The following TMEM259 variants were observed in gnomAD, a reference collection of about 807,000 sequenced individuals.
The protein encoded by TMEM259 is transmembrane protein 259.
TMEM259 carries 26 observed loss-of-function variants against 46.7 expected under a neutral mutation model. The observed-to-expected ratio is 0.56, with a 90% CI of 0.41 to 0.77. TMEM259 has a LOEUF of 0.77. TMEM259 is among the 30% of genes least tolerant of loss of function. The pLI, the probability that TMEM259 is intolerant of heterozygous loss-of-function variation, is 0.00. For synonymous variants in TMEM259, 494 were observed against 395.1 expected (o/e 1.25, Z -2.97); for missense variants, 930 against 900.5 (o/e 1.03, Z -0.42).
rs1314957511 is a variant in TMEM259 at position 1,013,325 on chromosome 19, C to T, written c.523G>A (p.Glu175Lys). ...CTCGGCGGCTTGAACACCTTGGGCTCGATGTCCAGCTCAAACTGTGGGCGA... is the reference window on the plus strand; with the variant it reads ...CTCGGCGGCTTGAACACCTTGGGCTTGATGTCCAGCTCAAACTGTGGGCGA... ...NSSIKFELDI[E>K]PKVFKPPSST... is the part of the protein sequence containing the mutation. The change falls in exon 3 of 11, where the codon GAG becomes AAG. Residue 175 changes from glutamate to lysine, a missense_variant. Transcript: ENST00000356663. The T allele has an allele frequency of 1.2e-6, 2 of 1,613,582 alleles. No individual in the cohort carries two copies. The highest frequency in any genetic ancestry group is 1.1e-5 in the South Asian group (1 of 91,074).
At position 1,021,095 on chromosome 19, in the gene TMEM259, C is replaced by A; in HGVS notation, c.-99G>T. ...AGCCGCCGCTCTCCTCACGGCCTCC[C>A]GGCCGCCGCCGCCATCTTCCGCTTT... On this transcript the variant is annotated 5_prime_UTR_variant, in exon 1 of 11. Transcript: ENST00000356663. 1.7e-6 allele frequency: 2 copies of A among 1,178,108 alleles called. No individual in the cohort carries two copies. Among genetic ancestry groups the A allele is most frequent in the African/African-American group, 1.6e-5 (1 of 61,414 alleles). The allele number at this position is 1,178,108 out of a possible 1,614,324, so 73.0% of individuals were successfully genotyped here.
In TMEM259 at chr19:1,012,008, C is replaced by A; in HGVS notation, c.842-16G>T. Reference sequence around the variant, plus strand: ...CGCAGGAAGCCTGCAGCAGAAGGAGCCGTGAGCGCCCGCCCCCACCCGCGC... The same window carrying A: ...CGCAGGAAGCCTGCAGCAGAAGGAGACGTGAGCGCCCGCCCCCACCCGCGC... On this transcript the variant is annotated splice_polypyrimidine_tract_variant and intron_variant, in intron 5 of 10. Transcript: ENST00000356663. 2 of 1,611,514 alleles carry A rather than the reference C, an allele frequency of 1.2e-6. No homozygotes were observed.
At position 1,014,379 on chromosome 19, in the gene TMEM259, C is replaced by A; in HGVS notation, c.320G>T (p.Arg107Leu). ...CLEHVRDKWP[R>L]EGILRVEVRH... ...CACTTCCACACGCAGGATGCCCTCA[C>A]GCGGCCACTTGTCACGCACATGCTC... The change falls in exon 2 of 11, where the codon CGT (arginine) becomes CTT (leucine). Residue 107 changes from arginine (R) to leucine (L), a missense_variant. By Grantham distance (102) the Arg-to-Leu change is moderately radical (BLOSUM62 -2). Coordinates refer to ENST00000356663, the MANE Select transcript of TMEM259 (RefSeq NM_001033026.2). 2 of 1,612,940 alleles carry A rather than the reference C, an allele frequency of 1.2e-6. No individual in the cohort carries two copies. Among genetic ancestry groups the A allele is most frequent in the Non-Finnish European group, 1.7e-6 (2 of 1,179,906 alleles).
At position 1,014,522 on chromosome 19, in the gene TMEM259, C is replaced by T. The variant is rs80147630; in HGVS notation, c.226-49G>A. On this transcript the variant is annotated intron_variant, in intron 1 of 10. Transcript: ENST00000356663. ...GGGGCGCCCCAGGGCCAGCTGCAGC[C>T]GACACCCAAGGGCCTACGTGATGGG... 1.3e-3 allele frequency: 1,987 copies of T among 1,577,810 alleles called. 24 individuals carry two copies. In the East Asian group the frequency reaches 0.037, roughly 29 times the overall value.
At position 1,010,562 on chromosome 19, in the gene TMEM259, C is replaced by A; in HGVS notation, c.1651G>T (p.Ala551Ser). 1.3e-6 allele frequency: 2 copies of A among 1,549,370 alleles called. No individual in the cohort carries two copies. The highest frequency in any genetic ancestry group is 1.7e-6 in the Non-Finnish European group (2 of 1,147,684). Residue 551 changes from alanine (A) to serine (S), a missense_variant, in exon 11 of 11, where the codon GCC becomes TCC. Physicochemically the swap from Ala to Ser is moderately conservative, Grantham distance 99. Coordinates refer to ENST00000356663, the MANE Select transcript of TMEM259 (RefSeq NM_001033026.2). ...MAETAAIITD[A>S]SFLSGLSASL... ...GCGCTCAGGCCGGACAGGAAGGAGGCGTCTGTGATGATGGCAGCGGTCTCT... is the reference window on the plus strand; with the variant it reads ...GCGCTCAGGCCGGACAGGAAGGAGGAGTCTGTGATGATGGCAGCGGTCTCT...
rs1399602694 is a variant in TMEM259 at position 1,012,076 on chromosome 19, C to T, written c.831G>A (p.Glu277=). ...CGGGGCATGCCTCACCCTTGTTCTC[C>T]TCGTTCTCGGCCAGGCCCTTCACGC... ...MSSVKGLAEN[E]ENKGFLRNVV... The change falls in exon 5 of 11, where the codon GAG becomes GAA. Residue 277 remains glutamate, a synonymous_variant. Transcript: ENST00000356663. 1 of 1,612,300 alleles carries T rather than the reference C, an allele frequency of 6.2e-7. No homozygotes were observed. The highest frequency in any genetic ancestry group is 2.2e-5 in the East Asian group (1 of 44,860).
At position 1,013,475 on chromosome 19, in the gene TMEM259, GACT is replaced by G. The variant is rs1268922119; in HGVS notation, c.508-138_508-136del. On this transcript the variant is annotated intron_variant, in intron 2 of 10. Coordinates refer to ENST00000356663, the MANE Select transcript of TMEM259 (RefSeq NM_001033026.2). ...CCCCACCACTGACCAGGCCAGGGTG[GACT>G]ACGTGTGCCTCCCGCCTCAGCTGGG... 8.8e-6 allele frequency: 7 copies of G among 798,372 alleles called. No individual in the cohort carries two copies. The Admixed American group carries it at 1.8e-4, about 20-fold the overall frequency. 49.5% of individuals were successfully genotyped at this position (798,372 alleles called of 1,614,324 possible). A position where few individuals can be genotyped will look rare whatever the true frequency, so the allele number is the denominator to read the frequency against.
intron 1 of TMEM259, among the ~76,000 whole-genome samples, chr19:1,017,078 C>T (rs2039135628): frequency 6.6e-6 from 1 of 152,146 alleles, no homozygotes; most frequent in African/African-American, 2.4e-5. Context: ...AAAGCCTCAG[C>T]TCCCCTTCAG....
chr19:1,011,415 T>C lies in TMEM259; in HGVS notation c.1169A>G (p.Tyr390Cys). ...IILIVWLADQYDAICCHTSTS... is the reference protein window; with the variant it reads ...IILIVWLADQCDAICCHTSTS... ...GCTGGTGTGGCAGCAGATGGCGTCA[T>C]ACTGGTCCGCGAGCCACACGATGAG... Residue 390 changes from tyrosine (Y) to cysteine (C), a missense_variant, in exon 9 of 11, where the codon TAT becomes TGT. Tyr to Cys is a radical substitution (Grantham distance 194). Coordinates refer to ENST00000356663, the MANE Select transcript of TMEM259 (RefSeq NM_001033026.2). The C allele has an allele frequency of 6.4e-7, 1 of 1,561,310 alleles. No individual in the cohort carries two copies. The highest frequency in any genetic ancestry group is 8.7e-7 in the Non-Finnish European group (1 of 1,155,832).
chr19:1,010,699 A>G lies in TMEM259; in HGVS notation c.1514T>C (p.Val505Ala). ...SAGQPPALGP[V>A]SPGASGSPGP... ...GGGACTCCCGCTGGCCCCAGGCGAG[A>G]CGGGGCCCAGGGCGGGGGGCTGGCC... The change falls in exon 11 of 11, where the codon GTC becomes GCC. Residue 505 changes from valine (V) to alanine (A), a missense_variant. Physicochemically the swap from Val to Ala is moderately conservative, Grantham distance 64. Coordinates refer to ENST00000356663, the MANE Select transcript of TMEM259 (RefSeq NM_001033026.2). The G allele has an allele frequency of 6.5e-7, 1 of 1,530,024 alleles. No homozygotes were observed. The highest frequency in any genetic ancestry group is 8.7e-7 in the Non-Finnish European group (1 of 1,144,432). 94.8% of individuals were successfully genotyped at this position (1,530,024 alleles called of 1,614,324 possible).
chr19:1,018,347 G>T (rs551103624), intron 1 of TMEM259, among the ~76,000 whole-genome samples: 13 of 152,310 alleles, frequency 8.5e-5, no homozygotes, highest in African/African-American at 3.1e-4. Context: ...AGGGACCGGG[G>T]GGCTCCATGC....
intron 1 of TMEM259, among the ~76,000 whole-genome samples, chr19:1,015,912 C>A (rs533449233): frequency 4.3e-4 from 65 of 152,312 alleles, no homozygotes; most frequent in Non-Finnish European, 1.5e-5. Context: ...CCACTTCCAG[C>A]CCGGCCGCAG....
At position 1,014,229 on chromosome 19, in the gene TMEM259, T is replaced by C; in HGVS notation, c.470A>G (p.Glu157Gly). The change falls in exon 2 of 11, where the codon GAG (glutamate) becomes GGG (glycine). Residue 157 changes from glutamate (E) to glycine (G), a missense_variant. Coordinates refer to ENST00000356663, the MANE Select transcript of TMEM259 (RefSeq NM_001033026.2). ...GTTCCCAAACATCTCCATGGTCAGCTCTTCCTCCTCCTCATCTTCCATGTC... is the reference window on the plus strand; with the variant it reads ...GTTCCCAAACATCTCCATGGTCAGCCCTTCCTCCTCCTCATCTTCCATGTC... The part of the protein sequence containing the change: ...NLDMEDEEEE[E>G]LTMEMFGNSS... 1.9e-6 allele frequency: 3 copies of C among 1,612,084 alleles called. No homozygotes were observed. The highest frequency in any genetic ancestry group is 2.5e-6 in the Non-Finnish European group (3 of 1,178,758).
intron 5 of TMEM259, 26 bp from the exon 6 acceptor site, chr19:1,012,018 C>A (rs780997838): frequency 6.2e-7 from 1 of 1,611,658 alleles, no homozygotes; most frequent in Non-Finnish European, 8.5e-7. Flanking sequence ...CCGTGAGCGC[C>A]CGCCCCCACC....
chr19:1,011,529 G>A (rs1165162161), intron 8 of TMEM259, 30 bp from the exon 9 acceptor site: 24 of 1,543,480 alleles, frequency 1.6e-5, no homozygotes, highest in Admixed American at 3.9e-5. Context: ...CGGTTGAAGC[G>A]GGCGGGGCGG....
At chr19:1,018,542 A>T (rs2240167) in intron 1 of TMEM259, among the ~76,000 whole-genome samples, 1 of 152,098 alleles carries the variant, frequency 6.6e-6, no homozygotes, top group Non-Finnish European at 1.5e-5. Context: ...GAAGCCAGGC[A>T]GGCAGGAAGC....
intron 3 of TMEM259, 32 bp from the exon 4 acceptor site, chr19:1,012,605 C>G (rs1194718378): frequency 6.5e-7 from 1 of 1,548,320 alleles, no homozygotes; most frequent in Non-Finnish European, 8.7e-7. Flanking sequence ...CAGGTCAGCG[C>G]CCCCACACAC....
Position 1,011,742 on chromosome 19 carries a change from G to A in TMEM259, c.999C>T (p.Ile333=), listed in dbSNP as rs547941231. 3.0e-5 allele frequency: 46 copies of A among 1,547,274 alleles called. 1 individual carries two copies. In the South Asian group the frequency reaches 3.1e-4, roughly 10 times the overall value. The change falls in exon 7 of 11, where the codon ATC becomes ATT. Residue 333 remains isoleucine, a splice_region_variant and synonymous_variant. Coordinates refer to ENST00000356663, the MANE Select transcript of TMEM259 (RefSeq NM_001033026.2). Reference sequence around the variant, plus strand: ...GCCCTGCGCCGGCGGGACACTCACCGATGAAGACGAAGATCTGGTGGTGTG... The same window carrying A: ...GCCCTGCGCCGGCGGGACACTCACCAATGAAGACGAAGATCTGGTGGTGTG... ...RYSHHQIFVF[I]VDLLQMLEMN... is the part of the protein sequence containing the mutation.
intron 1 of TMEM259, among the ~76,000 whole-genome samples, chr19:1,018,278 C>A (rs1461649667): frequency 6.6e-6 from 1 of 152,236 alleles, no homozygotes; most frequent in African/African-American, 2.4e-5. Context: ...CCTGCCGCCT[C>A]CTCTCTCCCC....
Sources: allele counts gnomAD v4.1 joint callset (sites outside exome capture counted in the v4.1 genomes callset), GRCh38; gene constraint gnomAD v4.1.1; transcripts MANE v1.5; gene names NCBI Gene and HGNC (gene_info 2026-07-23, HGNC 2026-07-21).